Variants in SUCO observed in about 807,000 individuals in gnomAD.
SUCO encodes the protein SUN domain-containing ossification factor.
In SUCO, 57 loss-of-function variants were observed where a neutral mutation model predicts 148.1. That is an observed-to-expected ratio of 0.38 (90% CI 0.31 to 0.48). The LOEUF is 0.48. Among genes scored for constraint, SUCO ranks in the 20% least tolerant of loss-of-function variants. SUCO has a pLI of 0.96. For missense variants in SUCO, 1,331 were observed against 1,468.2 expected, an observed-to-expected ratio of 0.91 and a Z score of 1.53; for synonymous variants, 470 against 502.7, an observed-to-expected ratio of 0.93 and a Z score of 0.87.
At chr1:172,534,556 C>T (rs1049038997) in intron 1 of SUCO, among the ~76,000 whole-genome samples, 6 of 152,118 alleles carry the variant, frequency 3.9e-5, no homozygotes, top group Non-Finnish European at 1.5e-5. Context: ...AGAAAACACT[C>T]GCCTGGCTGA....
intron 19 of SUCO, among the ~76,000 whole-genome samples, chr1:172,597,567 G>C (rs1023346066): frequency 2.0e-5 from 3 of 152,028 alleles, no homozygotes; most frequent in Non-Finnish European, 4.4e-5. Context: ...CTGCAAGTAA[G>C]AACGGCTTTG....
intron 19 of SUCO, chr1:172,599,413 G>GT: frequency 1.2e-6 from 1 of 813,322 alleles, no homozygotes; most frequent in Non-Finnish European, 1.5e-6. Flanking sequence ...ATTCCCTAAA[G>GT]TATGCATACA....
intron 9 of SUCO, 140 bp from the exon 10 acceptor site, chr1:172,573,746 GACAAC>G: frequency 2.0e-6 from 1 of 508,332 alleles, no homozygotes. Context: ...GCTTCTTATA[GACAAC>G]TAAGGCTACA....
rs568442826 is a variant in SUCO at position 172,548,215 on chromosome 1, A to G, written c.63-3297A>G. The stretch of plus-strand genomic sequence containing the variant: ...TTATCCATTTCTCCTGTTTTCAAAT[A>G]TATTGTTATATATAGTTTATAATAT... On this transcript the variant is annotated intron_variant, in intron 1 of 23. Transcript: ENST00000263688. 3.6e-3 allele frequency among the ~76,000 whole-genome samples: 542 copies of G among 151,840 alleles called. 2 individuals carry two copies. The highest frequency in any genetic ancestry group is 0.012 in the African/African-American group (518 of 41,518).
chr1:172,590,052 G>T, intron 18 of SUCO, 126 bp downstream of exon 18: 1 of 715,956 alleles, frequency 1.4e-6, no homozygotes. Flanking sequence ...CGCAATTTTA[G>T]CAAGAGAGAG....
intron 6 of SUCO, among the ~76,000 whole-genome samples, chr1:172,566,352 T>G (rs979775311): frequency 2.0e-5 from 3 of 152,218 alleles, no homozygotes; most frequent in Non-Finnish European, 4.4e-5. Flanking sequence ...GCCAATCACC[T>G]TCTCTCCATC....
intron 1 of SUCO, among the ~76,000 whole-genome samples, chr1:172,542,498 A>T (rs1459351080): frequency 6.6e-6 from 1 of 152,154 alleles, no homozygotes; most frequent in Admixed American, 6.5e-5. Context: ...TCACAACAGG[A>T]GGTGAACAGC....
intron 1 of SUCO, among the ~76,000 whole-genome samples, chr1:172,550,102 T>G (rs2149226321): frequency 6.6e-6 from 1 of 151,916 alleles, no homozygotes; most frequent in South Asian, 2.1e-4. Flanking sequence ...ACCCTGGGGG[T>G]TTCCTTTGCC....
chr1:172,592,344 C>T (rs543774544), intron 19 of SUCO, among the ~76,000 whole-genome samples: 1 of 152,270 alleles, frequency 6.6e-6, no homozygotes, highest in East Asian at 1.9e-4. Flanking sequence ...GTCATGATGT[C>T]CTTGCCTATG....
intron 15 of SUCO, among the ~76,000 whole-genome samples, chr1:172,584,610 T>A (rs1656104514): frequency 6.6e-6 from 1 of 151,858 alleles, no homozygotes; most frequent in African/African-American, 2.4e-5. Context: ...CTGTCTCTAC[T>A]AAAATACAAA....
intron 1 of SUCO, chr1:172,542,850 A>G (rs1652582527): frequency 2.0e-6 from 2 of 985,412 alleles, no homozygotes; most frequent in Non-Finnish European, 2.4e-6. Context: ...GATTTAAGGA[A>G]GTCATTTAAG....
At position 172,533,455 on chromosome 1, in the gene SUCO, C is replaced by T; in HGVS notation, c.20C>T (p.Ala7Val). ...GAGAAGATGAAGAAGCACCGGCGGG[C>T]CTTGGCCCTGGTCTCCTGCCTCTTT... MKKHRR[A>V]LALVSCLFLC... The change falls in exon 1 of 24, where the codon GCC becomes GTC. Residue 7 changes from alanine (A) to valine (V), a missense_variant. By Grantham distance (64) the Ala-to-Val change is moderately conservative (BLOSUM62 0). Transcript: ENST00000263688. The T allele has an allele frequency of 1.3e-6, 2 of 1,565,448 alleles. No individual in the cohort carries two copies. The highest frequency in any genetic ancestry group is 1.7e-6 in the Non-Finnish European group (2 of 1,154,810).
intron 19 of SUCO, among the ~76,000 whole-genome samples, chr1:172,592,270 C>A (rs1307770949): frequency 3.3e-5 from 5 of 152,152 alleles, no homozygotes; most frequent in Non-Finnish European, 5.9e-5. Context: ...TGCAGAAGCT[C>A]TTTAGTTTAA....
At chr1:172,581,139 T>C (rs2149254529) in intron 15 of SUCO, among the ~76,000 whole-genome samples, 1 of 152,190 alleles carries the variant, frequency 6.6e-6, no homozygotes, top group East Asian at 1.9e-4. Flanking sequence ...AACCTAATCA[T>C]ATATCAGGGG....
intron 13 of SUCO, among the ~76,000 whole-genome samples, 160 bp from the exon 14 acceptor site, chr1:172,578,138 C>T (rs1655594503): frequency 1.3e-5 from 2 of 151,894 alleles, no homozygotes; most frequent in South Asian, 2.1e-4. Context: ...TTAATTGAAA[C>T]AGTAGATGAC....
intron 6 of SUCO, among the ~76,000 whole-genome samples, chr1:172,565,079 G>A (rs1387305902): frequency 6.6e-6 from 1 of 152,102 alleles, no homozygotes; most frequent in Non-Finnish European, 1.5e-5. Context: ...GTTCTGTTCT[G>A]TTCTGTTCTG....
intron 1 of SUCO, among the ~76,000 whole-genome samples, chr1:172,546,780 T>C (rs574500510): frequency 3.3e-5 from 5 of 152,264 alleles, no homozygotes; most frequent in African/African-American, 1.2e-4. Context: ...ATTTTGGTGC[T>C]TGCATGTAGT....
rs779562312 is a variant in SUCO, at chr1:172,588,948, T to G, written c.1847T>G (p.Phe616Cys). Reference protein sequence around the residue: ...SPWFESETQIFCSELTTICCI... With the variant: ...SPWFESETQICCSELTTICCI... ...TGGTTTGAGTCAGAGACACAAATAT[T>G]TTGCAGTGAACTGACCACAATTTGT... Residue 616 changes from phenylalanine to cysteine, a missense_variant, in exon 18 of 24, where the codon TTT becomes TGT. By Grantham distance (205) the Phe-to-Cys change is radical (BLOSUM62 -2). Transcript: ENST00000263688. 3.7e-6 allele frequency: 6 copies of G among 1,611,474 alleles called. No individual in the cohort carries two copies. The South Asian group carries it at 6.6e-5, about 18-fold the overall frequency.
intron 1 of SUCO, among the ~76,000 whole-genome samples, chr1:172,540,819 T>C (rs1298141862): frequency 6.6e-6 from 1 of 152,106 alleles, no homozygotes; most frequent in Admixed American, 6.6e-5. Flanking sequence ...GAAAGAGAGT[T>C]ATGAATGGAA....
Sources: allele counts gnomAD v4.1 joint callset (sites outside exome capture counted in the v4.1 genomes callset), GRCh38; gene constraint gnomAD v4.1.1; transcripts MANE v1.5; gene names NCBI Gene and HGNC (gene_info 2026-07-23, HGNC 2026-07-21).